PCDHA2: variants seen among roughly 807,000 people sequenced by gnomAD.
The protein encoded by PCDHA2 is protocadherin alpha 2.
In PCDHA2, 58 loss-of-function variants were observed where a neutral mutation model predicts 66.0. The observed-to-expected ratio is 0.88, with a 90% CI of 0.71 to 1.09. The LOEUF is 1.09. Ranked by LOEUF, PCDHA2 falls within the 50% of genes least tolerant of loss-of-function variation. PCDHA2 has a pLI of 0.00. For synonymous variants in PCDHA2, 634 were observed against 554.0 expected, an observed-to-expected ratio of 1.14 and a Z score of -2.03; for missense variants, 1,267 against 1,242.3, an observed-to-expected ratio of 1.02 and a Z score of -0.30.
At chr5:140,984,433 T>C (rs2097103477) in intron 3 of PCDHA2, among the ~76,000 whole-genome samples, 1 of 152,182 alleles carries the variant, frequency 6.6e-6, no homozygotes, top group East Asian at 1.9e-4. Flanking sequence ...GAAGGGGATC[T>C]CCCTTGTTCC....
chr5:140,950,070 A>G (rs2094446713), intron 1 of PCDHA2, among the ~76,000 whole-genome samples: 1 of 151,890 alleles, frequency 6.6e-6, no homozygotes, highest in Non-Finnish European at 1.5e-5. Flanking sequence ...TTCCTGTGCC[A>G]TTGCTTATGC....
chr5:140,869,562 A>T (rs373044645), intron 1 of PCDHA2: 50 of 1,614,050 alleles, frequency 3.1e-5, no homozygotes, highest in Non-Finnish European at 3.5e-5. Context: ...CGCGTTTTCC[A>T]CTAGAGGGAG....
intron 1 of PCDHA2, among the ~76,000 whole-genome samples, chr5:140,904,545 C>A (rs2071206893): frequency 6.6e-6 from 1 of 151,876 alleles, no homozygotes; most frequent in Admixed American, 6.6e-5. Context: ...GTATCTTTTT[C>A]ATATAATGAC....
rs1554263792 is a variant in PCDHA2 at position 141,012,059 on chromosome 5, C to T, written c.*2122C>T. 1 of 153,718 alleles carries T rather than the reference C, an allele frequency of 6.5e-6. No individual in the cohort carries two copies. The highest frequency in any genetic ancestry group is 1.5e-5 in the Non-Finnish European group (1 of 68,036). The allele number at this position is 153,718 out of a possible 1,614,324, so 9.5% of individuals were successfully genotyped here. A position where few individuals can be genotyped will look rare whatever the true frequency, so the allele number is the denominator to read the frequency against. ...TGCATGGGGTAAAACTTGTTACCAA[C>T]ACATGTGAACCATTGCTACATTGTA... On this transcript the variant is annotated 3_prime_UTR_variant, in exon 4 of 4. Transcript: ENST00000526136.
At chr5:140,914,809 T>G (rs532202561) in intron 1 of PCDHA2, among the ~76,000 whole-genome samples, 21 of 152,314 alleles carry the variant, frequency 1.4e-4, no homozygotes, top group African/African-American at 5.1e-4. Flanking sequence ...TGATGGCAAC[T>G]TAACAGACTG....
chr5:140,984,271 A>G (rs1403531837), intron 3 of PCDHA2, among the ~76,000 whole-genome samples: 1 of 152,196 alleles, frequency 6.6e-6, no homozygotes, highest in African/African-American at 2.4e-5. Context: ...ACTAACTTTG[A>G]ATACATTCTC....
intron 1 of PCDHA2, among the ~76,000 whole-genome samples, chr5:140,923,207 A>G (rs2081229144): frequency 6.6e-6 from 1 of 152,144 alleles, no homozygotes. Flanking sequence ...TGGGAGGCTA[A>G]GGTGAAAGGA....
At chr5:140,807,209 G>T in intron 1 of PCDHA2, 1 of 1,613,838 alleles carries the variant, frequency 6.2e-7, no homozygotes, top group Non-Finnish European at 8.5e-7. Context: ...CTGGGGAAGC[G>T]GCCAGGAATC....
chr5:140,975,623 A>G (rs2096675265), intron 1 of PCDHA2, among the ~76,000 whole-genome samples: 1 of 152,244 alleles, frequency 6.6e-6, no homozygotes, highest in Admixed American at 6.5e-5. Flanking sequence ...ATGGATTTCC[A>G]TGGTACGAAG....
rs782491268 is a variant in PCDHA2 at position 140,857,317 on chromosome 5, G to T, written c.2388+59965G>T. 1.5e-5 allele frequency: 24 copies of T among 1,598,644 alleles called. 2 individuals carry two copies. The highest frequency in any genetic ancestry group is 1.9e-5 in the Non-Finnish European group (22 of 1,168,052). ...AGAGGGTGTCGGCCTATGAGCTGGTGGTGACCGCGCGGGACGGGGGCTCGC... is the reference window on the plus strand; with the variant it reads ...AGAGGGTGTCGGCCTATGAGCTGGTTGTGACCGCGCGGGACGGGGGCTCGC... On this transcript the variant is annotated intron_variant, in intron 1 of 3. Transcript: ENST00000526136.
chr5:140,858,142 G>A lies in PCDHA2; in HGVS notation c.2388+60790G>A, dbSNP rs782422253. 2.5e-6 allele frequency: 4 copies of A among 1,597,702 alleles called. No individual in the cohort carries two copies. The South Asian group carries it at 3.3e-5, about 13-fold the overall frequency. On this transcript the variant is annotated intron_variant, in intron 1 of 3. Transcript: ENST00000526136. The stretch of plus-strand genomic sequence containing the variant: ...CCCTGGTGGATGTCAACGTGTACCT[G>A]ATCATCGCCATCTGCGCGGTGTCCA...
At chr5:140,878,110 AC>A (rs1554170303) in intron 1 of PCDHA2, 1 of 249,146 alleles carries the variant, frequency 4.0e-6, no homozygotes, top group African/African-American at 2.3e-5. Context: ...CTTGAAAAAA[AC>A]AGTATATTAG....
intron 1 of PCDHA2, chr5:140,829,475 G>A: frequency 4.3e-6 from 7 of 1,613,854 alleles, no homozygotes; most frequent in Non-Finnish European, 5.9e-6. Context: ...CGAGTACACA[G>A]TGTTCGTGAA....
intron 1 of PCDHA2, among the ~76,000 whole-genome samples, chr5:140,818,349 G>T (rs1214100703): frequency 6.6e-6 from 1 of 152,134 alleles, no homozygotes; most frequent in African/African-American, 2.4e-5. Context: ...CACTGTCAAA[G>T]TCATTGATTG....
intron 1 of PCDHA2, among the ~76,000 whole-genome samples, chr5:140,891,366 T>C (rs1261887556): frequency 6.6e-6 from 1 of 152,168 alleles, no homozygotes; most frequent in Non-Finnish European, 1.5e-5. Flanking sequence ...CTGAGCAGTA[T>C]ACATTGCACC....
intron 1 of PCDHA2, among the ~76,000 whole-genome samples, chr5:140,840,497 T>C (rs2150307403): frequency 3.9e-5 from 6 of 152,088 alleles, no homozygotes; most frequent in African/African-American, 1.2e-4. Context: ...TTCTGGTAAA[T>C]ACTCACTTTT....
At chr5:140,927,172 G>A (rs782548172) in intron 1 of PCDHA2, 7 of 1,614,034 alleles carry the variant, frequency 4.3e-6, no homozygotes, top group East Asian at 4.5e-5. Context: ...AGCTGCCTGC[G>A]TCTTGACCTA....
intron 1 of PCDHA2, among the ~76,000 whole-genome samples, chr5:140,978,200 C>T (rs2096792236): frequency 6.6e-6 from 1 of 152,220 alleles, no homozygotes. Context: ...TTTCAATACA[C>T]AACTAATGCA....
chr5:140,987,513 A>C (rs1324114239), intron 3 of PCDHA2, among the ~76,000 whole-genome samples: 3 of 152,168 alleles, frequency 2.0e-5, no homozygotes, highest in Non-Finnish European at 4.4e-5. Flanking sequence ...TCTGCCACTC[A>C]GTAATTGTAT....
Sources: allele counts gnomAD v4.1 joint callset (sites outside exome capture counted in the v4.1 genomes callset), GRCh38; gene constraint gnomAD v4.1.1; transcripts MANE v1.5; gene names NCBI Gene and HGNC (gene_info 2026-07-23, HGNC 2026-07-21).